NXT2: variants seen among roughly 807,000 people sequenced by gnomAD.
The protein encoded by NXT2 is nuclear transport factor 2 like export factor 2.
A neutral mutation model predicts 9.6 loss-of-function variants in NXT2; 1 was observed. That is an observed-to-expected ratio of 0.10 (90% CI 0.04 to 0.49). The LOEUF is 0.49. Among genes scored for constraint, NXT2 ranks in the 20% least tolerant of loss-of-function variants. The pLI is 0.95. For synonymous variants in NXT2, 22 were observed against 35.4 expected (o/e 0.62, Z 1.34); for missense variants, 48 against 100.3 (o/e 0.48, Z 2.23).
At chrX:109,542,273 T>C (rs1370956103) in intron 3 of NXT2, among the ~76,000 whole-genome samples, 5 of 111,586 alleles carry the variant, frequency 4.5e-5, no homozygotes, top group African/African-American at 1.6e-4. Flanking sequence ...AGCTCCTCAT[T>C]TTGAAACTAG....
Position 109,542,620 on chromosome X carries a change from A to G in NXT2, c.361A>G (p.Thr121Ala), listed in dbSNP as rs753386629. ...NQNFLLTAQSTPNNTVWKIAS... is the reference protein window; with the variant it reads ...NQNFLLTAQSAPNNTVWKIAS... ...GAACTTCCTGCTGACTGCTCAGTCC[A>G]CTCCCAACAATACTGTGTGGAAGAT... is the stretch of plus-strand genomic sequence containing the variant. Residue 121 changes from threonine to alanine, a missense_variant, in exon 4 of 4, where the codon ACT becomes GCT. By Grantham distance (58) the Thr-to-Ala change is moderately conservative. Transcript: ENST00000372106. The G allele has an allele frequency of 8.3e-7, 1 of 1,206,300 alleles. No individual in the cohort carries two copies. Among genetic ancestry groups the G allele is most frequent in the Non-Finnish European group, 1.1e-6 (1 of 892,562 alleles).
rs1376839075 is a variant in NXT2, at chrX:109,542,900, C to G, written c.*212C>G. On this transcript the variant is annotated 3_prime_UTR_variant, in exon 4 of 4. Transcript: ENST00000372106. ...TTTTTTTACATGCCTTATATACATT[C>G]CACTAATGACATTCTTATAATAATA... 1 of 272,149 alleles carries G rather than the reference C, an allele frequency of 3.7e-6. No homozygotes were observed. Among genetic ancestry groups the G allele is most frequent in the Non-Finnish European group, 6.4e-6 (1 of 155,642 alleles). 22.4% of individuals were successfully genotyped at this position (272,149 alleles called of 1,213,427 possible).
intron 1 of NXT2, 50 bp downstream of exon 1, chrX:109,537,071 T>A (rs1933293822): frequency 8.5e-7 from 1 of 1,181,783 alleles, no homozygotes; most frequent in South Asian, 1.9e-5. Flanking sequence ...CTCCAGTGGC[T>A]GAGAGGAGGG....
rs1440469151 is a variant in NXT2, at chrX:109,544,258, A to G, written c.*1570A>G. ...TTCATTTACTCTTGCCCAAAACTAT[A>G]CACTGTATTTCTGTTATAGTAACAA... On this transcript the variant is annotated 3_prime_UTR_variant, in exon 4 of 4. Coordinates refer to ENST00000372106, the MANE Select transcript of NXT2 (RefSeq NM_001242617.2). 1 of 112,791 alleles carries G rather than the reference A, an allele frequency of 8.9e-6. No homozygotes were observed. Among genetic ancestry groups the G allele is most frequent in the Non-Finnish European group, 1.9e-5 (1 of 53,184 alleles). 9.3% of individuals were successfully genotyped at this position (112,791 alleles called of 1,213,427 possible). A position where few individuals can be genotyped will look rare whatever the true frequency, so the allele number is the denominator to read the frequency against.
chrX:109,541,643 G>C, intron 3 of NXT2, 24 bp downstream of exon 3: 1 of 1,159,657 alleles, frequency 8.6e-7, no homozygotes, highest in Non-Finnish European at 1.2e-6. Context: ...CTTTCAAGAT[G>C]CTTCCTTTGT....
At chrX:109,537,058 G>T (rs370503612) in intron 1 of NXT2, 37 bp downstream of exon 1, 33 of 1,188,394 alleles carry the variant, frequency 2.8e-5, no homozygotes, top group Non-Finnish European at 7.9e-6. Context: ...GCTGGGCGCC[G>T]GACTCCAGTG....
upstream of NXT2, among the ~76,000 whole-genome samples, chrX:109,536,507 C>G (rs1933276723): frequency 8.9e-6 from 1 of 112,522 alleles, no homozygotes; most frequent in Non-Finnish European, 1.9e-5. Flanking sequence ...AAATTGTTCA[C>G]TAGTCACGCA....
intron 2 of NXT2, among the ~76,000 whole-genome samples, chrX:109,541,030 T>C (rs1471059947): frequency 9.0e-6 from 1 of 111,676 alleles, no homozygotes; most frequent in Non-Finnish European, 1.9e-5. Context: ...AAATGTTTCA[T>C]ATATATATAT....
chrX:109,540,263 A>G (rs1039866195), intron 2 of NXT2, among the ~76,000 whole-genome samples: 2 of 109,353 alleles, frequency 1.8e-5, no homozygotes, highest in African/African-American at 6.6e-5. Context: ...AATAAAGTAG[A>G]AAAAAAAAGA....
rs1457118772 is a variant in NXT2 at position 109,543,964 on chromosome X, A to C, written c.*1276A>C. ...TTCTTCCATATGACATTGAGCAAAT[A>C]GATCTGTTTCAAAATATGTTCCCGC... On this transcript the variant is annotated 3_prime_UTR_variant, in exon 4 of 4. Coordinates refer to ENST00000372106, the MANE Select transcript of NXT2 (RefSeq NM_001242617.2). The C allele has an allele frequency of 8.9e-6, 1 of 112,661 alleles. No homozygotes were observed. Among genetic ancestry groups the C allele is most frequent in the Non-Finnish European group, 1.9e-5 (1 of 53,164 alleles). The allele number at this position is 112,661 out of a possible 1,213,427, so 9.3% of individuals were successfully genotyped here. A position where few individuals can be genotyped will look rare whatever the true frequency, so the allele number is the denominator to read the frequency against.
intron 2 of NXT2, among the ~76,000 whole-genome samples, chrX:109,539,885 AT>A (rs1212345272): frequency 8.9e-6 from 1 of 111,839 alleles, no homozygotes; most frequent in Non-Finnish European, 1.9e-5. Flanking sequence ...TTTTATTGCC[AT>A]TGCTTTTGGT....
At chrX:109,536,067 C>A (rs1933267710), upstream of NXT2, 5 of 618,071 alleles carry the variant, frequency 8.1e-6, no homozygotes, top group African/African-American at 2.3e-5. Context: ...TGTTGGGGAG[C>A]AAAGCCACAT....
At chrX:109,536,594 C>T (rs1338341421), upstream of NXT2, 7 of 183,926 alleles carry the variant, frequency 3.8e-5, no homozygotes, top group South Asian at 5.8e-4. Context: ...AATTGGTCTT[C>T]AGAGGGCTTT....
Position 109,541,537 on chromosome X carries a change from G to C in NXT2, c.165G>C (p.Gly55=), listed in dbSNP as rs1048034683. The C allele has an allele frequency of 8.3e-7, 1 of 1,205,742 alleles. No homozygotes were observed. The highest frequency in any genetic ancestry group is 1.8e-5 in the African/African-American group (1 of 57,103). ...TATGGAATGGAAATGCTGTTTCAGG[G>C]CTGGATGCCCTAAATAATTTTTTTG... ...TLIWNGNAVS[G]LDALNNFFDT... is the part of the protein sequence containing the mutation. The change falls in exon 3 of 4, where the codon GGG becomes GGC. Residue 55 remains glycine (G), a synonymous_variant. Transcript: ENST00000372106.
chrX:109,537,037 G>A lies in NXT2; in HGVS notation c.15+16G>A, dbSNP rs1361065416. On this transcript the variant is annotated intron_variant, in intron 1 of 3. Coordinates refer to ENST00000372106, the MANE Select transcript of NXT2 (RefSeq NM_001242617.2). Reference sequence around the variant, plus strand: ...CACGTCTCTGGTGAGTGCCTGGGCCGTGGCAGGACGGCTGGGCGCCGGACT... The same window carrying A: ...CACGTCTCTGGTGAGTGCCTGGGCCATGGCAGGACGGCTGGGCGCCGGACT... 8.3e-7 allele frequency: 1 copy of A among 1,202,504 alleles called. No homozygotes were observed. Among genetic ancestry groups the A allele is most frequent in the Non-Finnish European group, 1.1e-6 (1 of 890,450 alleles).
intron 2 of NXT2, among the ~76,000 whole-genome samples, chrX:109,540,317 T>A (rs776952192): frequency 9.0e-5 from 10 of 111,254 alleles, no homozygotes; most frequent in African/African-American, 2.9e-4. Flanking sequence ...TTGACCTTTT[T>A]TTTTATTTTT....
At chrX:109,537,477 G>C (rs889620097) in intron 1 of NXT2, 5 of 562,612 alleles carry the variant, frequency 8.9e-6, no homozygotes, top group South Asian at 9.2e-5. Flanking sequence ...ACAGTTCTTA[G>C]GCAAACAGCA....
At chrX:109,537,886 G>C (rs972983319) in intron 1 of NXT2, among the ~76,000 whole-genome samples, 159 bp from the exon 2 acceptor site, 1 of 112,111 alleles carries the variant, frequency 8.9e-6, no homozygotes, top group African/African-American at 3.2e-5. Context: ...GCAAACTTCA[G>C]AGTCCGGCCT....
chrX:109,544,612 C>T lies in NXT2; in HGVS notation c.*1924C>T, dbSNP rs906314283. 4.4e-5 allele frequency: 5 copies of T among 112,468 alleles called. No individual in the cohort carries two copies. Among genetic ancestry groups the T allele is most frequent in the Non-Finnish European group, 7.5e-5 (4 of 53,104 alleles). The allele number at this position is 112,468 out of a possible 1,213,427, so 9.3% of individuals were successfully genotyped here. ...TAACTTTTAAATGGCTGGAACTACT[C>T]GTATAAGGACTAGACTGTATTTTTG... On this transcript the variant is annotated 3_prime_UTR_variant, in exon 4 of 4. Coordinates refer to ENST00000372106, the MANE Select transcript of NXT2 (RefSeq NM_001242617.2).
Sources: gnomAD v4.1 joint callset for allele counts (sites outside exome capture counted in the v4.1 genomes callset) on GRCh38, gnomAD v4.1.1 for gene constraint, MANE v1.5 for transcripts, NCBI Gene and HGNC (gene_info 2026-07-23, HGNC 2026-07-21) for gene names.